RBFOX1: variants seen among roughly 807,000 people sequenced by gnomAD.
The protein encoded by RBFOX1 is RNA binding protein fox-1 homolog 1.
Under a neutral mutation model 57.7 loss-of-function variants are expected in RBFOX1, and 8 were observed. The observed-to-expected ratio is 0.14, with a 90% CI of 0.08 to 0.25. RBFOX1 has a LOEUF of 0.25. Among genes scored for constraint, RBFOX1 ranks in the 10% least tolerant of loss-of-function variants. RBFOX1 has a pLI of 1.00. For missense variants in RBFOX1, 611 were observed against 548.5 expected (o/e 1.11, Z -1.14); for synonymous variants, 326 against 222.4 (o/e 1.47, Z -4.15).
chr16:7,425,462 A>G (rs956357236), intron 4 of RBFOX1, among the ~76,000 whole-genome samples: 3 of 152,126 alleles, frequency 2.0e-5, no homozygotes, highest in African/African-American at 7.2e-5. Flanking sequence ...AAGGATGGAA[A>G]CCCTTCTTTG....
intron 2 of RBFOX1, among the ~76,000 whole-genome samples, chr16:6,507,702 G>A (rs1163442712): frequency 6.6e-6 from 1 of 152,052 alleles, no homozygotes. Context: ...ATTATGCTAA[G>A]AGAGATAAGA....
At chr16:7,113,865 A>G (rs1286574434) in intron 4 of RBFOX1, among the ~76,000 whole-genome samples, 1 of 152,096 alleles carries the variant, frequency 6.6e-6, no homozygotes, top group Non-Finnish European at 1.5e-5. Flanking sequence ...GTTACTCACA[A>G]TGGCACTCTC....
At position 6,720,469 on chromosome 16, in the gene RBFOX1, C is replaced by T. The variant is rs1260594159; in HGVS notation, c.-16+65819C>T. On this transcript the variant is annotated intron_variant, in intron 3 of 15. Coordinates refer to ENST00000550418, the MANE Select transcript of RBFOX1 (RefSeq NM_018723.4). ...CTTTATAGCATTGCAAGAATGGACT[C>T]ATACACGACCTATGTGTTCAAGAGG... 3.3e-5 allele frequency among the ~76,000 whole-genome samples: 5 copies of T among 152,260 alleles called. 1 individual carries two copies. In the East Asian group the frequency reaches 9.7e-4, roughly 29 times the overall value.
chr16:7,283,297 C>T (rs1290067605), intron 4 of RBFOX1, among the ~76,000 whole-genome samples: 2 of 151,864 alleles, frequency 1.3e-5, no homozygotes, highest in Non-Finnish European at 2.9e-5. Context: ...GCCTTCCTCC[C>T]TGGTCCCCCA....
intron 12 of RBFOX1, among the ~76,000 whole-genome samples, chr16:7,664,587 T>A (rs1486444409): frequency 6.6e-6 from 1 of 152,172 alleles, no homozygotes; most frequent in African/African-American, 2.4e-5. Flanking sequence ...AACTCTGACC[T>A]GTTAAGATGC....
intron 2 of RBFOX1, among the ~76,000 whole-genome samples, chr16:5,486,391 G>T (rs1410409201): frequency 6.6e-6 from 1 of 152,150 alleles, no homozygotes; most frequent in Non-Finnish European, 1.5e-5. Flanking sequence ...AGGAGCCGAG[G>T]GGACCAATGA....
intron 4 of RBFOX1, among the ~76,000 whole-genome samples, chr16:7,509,655 C>T (rs538120292): frequency 6.6e-6 from 1 of 152,158 alleles, no homozygotes; most frequent in African/African-American, 2.4e-5. Context: ...GATCGATTTG[C>T]AGTTAACCAC....
intron 4 of RBFOX1, among the ~76,000 whole-genome samples, chr16:7,216,360 G>A (rs114956352): frequency 0.013 from 2,037 of 152,140 alleles, 61 homozygotes; most frequent in African/African-American, 0.046. Context: ...GAATAATAAT[G>A]GCATCTACCC....
At chr16:7,204,921 G>A (rs1343412263) in intron 4 of RBFOX1, among the ~76,000 whole-genome samples, 1 of 152,114 alleles carries the variant, frequency 6.6e-6, no homozygotes, top group Non-Finnish European at 1.5e-5. Flanking sequence ...CTCTTGCACT[G>A]TCTGGGACTA....
chr16:5,884,446 C>T (rs550112266), intron 4 of RBFOX1, among the ~76,000 whole-genome samples: 16 of 147,834 alleles, frequency 1.1e-4, no homozygotes, highest in African/African-American at 2.3e-4. Flanking sequence ...TCCACCGCCC[C>T]GCCCCCCGCT....
chr16:5,540,351 A>G (rs984974985), intron 2 of RBFOX1, among the ~76,000 whole-genome samples: 1 of 152,238 alleles, frequency 6.6e-6, no homozygotes, highest in Non-Finnish European at 1.5e-5. Context: ...TATGTATACT[A>G]TGAAATATGA....
intron 3 of RBFOX1, among the ~76,000 whole-genome samples, chr16:5,680,476 C>T (rs1030379188): frequency 2.0e-4 from 31 of 152,204 alleles, no homozygotes; most frequent in African/African-American, 7.5e-4. Flanking sequence ...TCTTTAAAGA[C>T]TGAGACTCCC....
chr16:7,357,353 T>C (rs1190495638), intron 4 of RBFOX1, among the ~76,000 whole-genome samples: 2 of 152,134 alleles, frequency 1.3e-5, no homozygotes, highest in African/African-American at 4.8e-5. Context: ...AAACTGATGA[T>C]GAAAACAAAA....
chr16:6,807,501 C>G (rs1026734415), intron 3 of RBFOX1, among the ~76,000 whole-genome samples: 3 of 152,010 alleles, frequency 2.0e-5, no homozygotes, highest in South Asian at 2.1e-4. Context: ...ACTAATGGGA[C>G]TTTGCTTGTC....
chr16:6,994,297 T>G (rs8053231), intron 3 of RBFOX1, among the ~76,000 whole-genome samples: 1 of 152,040 alleles, frequency 6.6e-6, no homozygotes, highest in South Asian at 2.1e-4. Context: ...GAAGCCATCT[T>G]CATCTTAAAT....
intron 2 of RBFOX1, among the ~76,000 whole-genome samples, chr16:6,622,405 C>T (rs1444790616): frequency 6.6e-6 from 1 of 152,006 alleles, no homozygotes; most frequent in Non-Finnish European, 1.5e-5. Context: ...ATGACAGTTG[C>T]CTACAGTATT....
At chr16:6,155,529 C>T (rs1567576459) in intron 1 of RBFOX1, among the ~76,000 whole-genome samples, 2 of 152,190 alleles carry the variant, frequency 1.3e-5, no homozygotes, top group South Asian at 2.1e-4. Flanking sequence ...TTTTAACCTC[C>T]AGGTTACTGG....
At position 6,508,572 on chromosome 16, in the gene RBFOX1, G is replaced by A. The variant is rs35967293; in HGVS notation, c.-63-146031G>A. 4.6e-3 allele frequency among the ~76,000 whole-genome samples: 702 copies of A among 152,194 alleles called. 3 individuals carry two copies. Among genetic ancestry groups the A allele is most frequent in the Middle Eastern group, 6.8e-3 (2 of 294 alleles). On this transcript the variant is annotated intron_variant, in intron 2 of 15. Transcript: ENST00000550418. Reference sequence around the variant, plus strand: ...AAATGACTGTTGTCTATAAGGTCCCGTAACATCTCGTCTCTGCTTCCCTCA... The same window carrying A: ...AAATGACTGTTGTCTATAAGGTCCCATAACATCTCGTCTCTGCTTCCCTCA...
chr16:6,419,894 C>T (rs2093727330), intron 2 of RBFOX1, among the ~76,000 whole-genome samples: 2 of 152,270 alleles, frequency 1.3e-5, no homozygotes, highest in East Asian at 1.9e-4. Context: ...GACCATCAAT[C>T]AGTAAAAAGT....
Sources: allele counts gnomAD v4.1 joint callset (sites outside exome capture counted in the v4.1 genomes callset), GRCh38; gene constraint gnomAD v4.1.1; transcripts MANE v1.5; gene names NCBI Gene and HGNC (gene_info 2026-07-23, HGNC 2026-07-21).